TMEM254: variants seen among roughly 807,000 people sequenced by gnomAD.
The protein encoded by TMEM254 is transmembrane protein C10orf57.
TMEM254 carries 16 observed loss-of-function variants against 13.9 expected under a neutral mutation model. The ratio of observed to expected loss-of-function variants is 1.15; its 90% CI spans 0.78 to 1.75. The LOEUF (loss-of-function observed/expected upper bound fraction) is 1.75. Among genes scored for constraint, TMEM254 ranks in the 40% most tolerant of loss-of-function variants. The probability of loss-of-function intolerance (pLI) is 0.00; values close to 1 mark genes in which losing one functional copy is unlikely to be tolerated. For synonymous variants in TMEM254, 61 were observed against 56.4 expected (o/e 1.08, Z -0.36); for missense variants, 155 against 149.0 (o/e 1.04, Z -0.21).
chr10:80,079,274 G>A, intron 1 of TMEM254: 3 of 1,218,558 alleles, frequency 2.5e-6, no homozygotes, highest in South Asian at 1.5e-5. Flanking sequence ...GGGCCTGTGC[G>A]CACGCGCATC....
chr10:80,082,074 G>A, intron 2 of TMEM254, 71 bp from the exon 3 acceptor site: 1 of 1,591,638 alleles, frequency 6.3e-7, no homozygotes, highest in East Asian at 2.2e-5. Context: ...TTCTTTTTGA[G>A]ATTGCTGTGT....
chr10:80,078,799 G>C lies in TMEM254; in HGVS notation c.87+13G>C. 8 of 1,590,210 alleles carry C rather than the reference G, an allele frequency of 5.0e-6. No individual in the cohort carries two copies. The highest frequency in any genetic ancestry group is 6.8e-6 in the Non-Finnish European group (8 of 1,168,208). On this transcript the variant is annotated intron_variant, in intron 1 of 3. Coordinates refer to ENST00000372281, the MANE Select transcript of TMEM254 (RefSeq NM_025125.4). ...TGGCTACTACACAGTAAGGACAGCC[G>C]CTGGAGCGCTACGGTCTGACGAACG... is the stretch of plus-strand genomic sequence containing the variant.
At chr10:80,078,993 C>T (rs185539955) in intron 1 of TMEM254, 17,275 of 1,538,916 alleles carry the variant, frequency 0.011, 181 homozygotes, top group African/African-American at 0.048. Flanking sequence ...GCGCCCAGGG[C>T]CCTGAGAAAC....
intron 3 of TMEM254, among the ~76,000 whole-genome samples, chr10:80,088,636 T>TA (rs1294433765): frequency 2.6e-5 from 4 of 151,142 alleles, no homozygotes; most frequent in African/African-American, 7.3e-5. Flanking sequence ...GACTTTTTTT[T>TA]AAAAAAAGAT....
intron 3 of TMEM254, among the ~76,000 whole-genome samples, chr10:80,089,040 C>G (rs1487414681): frequency 6.6e-6 from 1 of 151,836 alleles, no homozygotes; most frequent in Non-Finnish European, 1.5e-5. Flanking sequence ...TGAATATAGT[C>G]AATTTTTTAT....
intron 3 of TMEM254, among the ~76,000 whole-genome samples, chr10:80,086,990 A>C (rs1354513813): frequency 6.6e-6 from 1 of 151,864 alleles, no homozygotes; most frequent in Non-Finnish European, 1.5e-5. Flanking sequence ...TTTTTAAGAG[A>C]TGGGTCTCAC....
intron 3 of TMEM254, among the ~76,000 whole-genome samples, chr10:80,087,903 C>T (rs1340564832): frequency 1.3e-5 from 2 of 151,888 alleles, no homozygotes; most frequent in Non-Finnish European, 2.9e-5. Flanking sequence ...TCTTTTTATT[C>T]TGTTGGGCCT....
At chr10:80,079,104 A>C in intron 1 of TMEM254, 1 of 1,366,426 alleles carries the variant, frequency 7.3e-7, no homozygotes, top group Non-Finnish European at 9.7e-7. Flanking sequence ...GTCGGAGGCC[A>C]GCAATGCGGC....
chr10:80,086,632 G>C (rs553277819), intron 3 of TMEM254, among the ~76,000 whole-genome samples: 1 of 151,968 alleles, frequency 6.6e-6, no homozygotes, highest in African/African-American at 2.4e-5. Flanking sequence ...CACCAGGTAA[G>C]GAGTTTGAGA....
At chr10:80,081,493 C>T (rs1365858347) in intron 1 of TMEM254, 2 of 602,936 alleles carry the variant, frequency 3.3e-6, no homozygotes, top group Non-Finnish European at 5.8e-6. Flanking sequence ...ATAGTGAGAC[C>T]CCATCTCTAT....
Position 80,078,778 on chromosome 10 carries a change from T to C in TMEM254, c.79T>C (p.Tyr27His). The C allele has an allele frequency of 6.2e-7, 1 of 1,604,426 alleles. No individual in the cohort carries two copies. Among genetic ancestry groups the C allele is most frequent in the Non-Finnish European group, 8.5e-7 (1 of 1,175,652 alleles). The change falls in exon 1 of 4, where the codon TAC becomes CAC. Residue 27 changes from tyrosine (Y) to histidine (H), a missense_variant. By Grantham distance (83) the Tyr-to-His change is moderately conservative (BLOSUM62 2). Coordinates refer to ENST00000372281, the MANE Select transcript of TMEM254 (RefSeq NM_025125.4). ...WFTVITLSFG[Y>H]YTWVVFWPQS... The stretch of plus-strand genomic sequence containing the variant: ...CACAGTCATCACCCTCAGCTTTGGC[T>C]ACTACACAGTAAGGACAGCCGCTGG...
chr10:80,082,767 T>G (rs1246054114), intron 3 of TMEM254, among the ~76,000 whole-genome samples: 2 of 152,234 alleles, frequency 1.3e-5, no homozygotes, highest in Non-Finnish European at 2.9e-5. Context: ...AGGTTAATGC[T>G]ATGTGAGAAT....
chr10:80,079,105 G>C, intron 1 of TMEM254: 1 of 1,359,432 alleles, frequency 7.4e-7, no homozygotes, highest in Non-Finnish European at 9.8e-7. Flanking sequence ...TCGGAGGCCA[G>C]CAATGCGGCT....
chr10:80,086,813 C>T (rs1468493122), intron 3 of TMEM254, among the ~76,000 whole-genome samples: 1 of 147,464 alleles, frequency 6.8e-6, no homozygotes, highest in African/African-American at 2.5e-5. Context: ...TGCACTCCAG[C>T]CTGGGCAACA....
At chr10:80,087,423 A>G (rs1257529658) in intron 3 of TMEM254, among the ~76,000 whole-genome samples, 1 of 151,480 alleles carries the variant, frequency 6.6e-6, no homozygotes, top group African/African-American at 2.4e-5. Flanking sequence ...CTGGTGGATC[A>G]CCTGAAGTTA....
chr10:80,086,645 A>T (rs1449402046), intron 3 of TMEM254, among the ~76,000 whole-genome samples: 3 of 152,080 alleles, frequency 2.0e-5, no homozygotes, highest in Non-Finnish European at 4.4e-5. Context: ...GTTTGAGACC[A>T]GCCTGGCCAA....
chr10:80,090,348 G>A (rs760690849), intron 3 of TMEM254: 9 of 717,182 alleles, frequency 1.3e-5, no homozygotes, highest in Middle Eastern at 2.3e-4. Context: ...AACTGACTCA[G>A]TGAGATAGCT....
chr10:80,079,375 A>G, intron 1 of TMEM254: 2 of 1,146,882 alleles, frequency 1.7e-6, no homozygotes, highest in Non-Finnish European at 2.2e-6. Flanking sequence ...TTGGGTCCTC[A>G]CCTCTGCATG....
At chr10:80,089,703 G>C (rs1844483828) in intron 3 of TMEM254, among the ~76,000 whole-genome samples, 1 of 151,576 alleles carries the variant, frequency 6.6e-6, no homozygotes, top group Non-Finnish European at 1.5e-5. Flanking sequence ...AAGAATGGAT[G>C]TTGAAATTTG....
Sources: gnomAD v4.1 joint callset for allele counts (sites outside exome capture counted in the v4.1 genomes callset) on GRCh38, gnomAD v4.1.1 for gene constraint, MANE v1.5 for transcripts, NCBI Gene and HGNC (gene_info 2026-07-23, HGNC 2026-07-21) for gene names.